GALNT17: variants seen among roughly 807,000 people sequenced by gnomAD.
GALNT17 encodes the protein UDP-GalNAc:polypeptide N-acetylgalactosaminyltransferase-like 3.
GALNT17 carries 29 observed loss-of-function variants against 63.7 expected under a neutral mutation model. The ratio of observed to expected loss-of-function variants is 0.46; its 90% CI spans 0.34 to 0.62. GALNT17 has a LOEUF of 0.62. GALNT17 is among the 20% of genes least tolerant of loss of function. The pLI is 0.01. For synonymous variants in GALNT17, 305 were observed against 318.3 expected, an observed-to-expected ratio of 0.96 and a Z score of 0.45; for missense variants, 603 against 799.6, an observed-to-expected ratio of 0.75 and a Z score of 2.97.
chr7:71,149,261 A>G (rs958250053), intron 1 of GALNT17, among the ~76,000 whole-genome samples: 2 of 152,120 alleles, frequency 1.3e-5, no homozygotes, highest in Admixed American at 1.3e-4. Flanking sequence ...CATATCAAGT[A>G]TTTTGTGTTA....
chr7:71,447,803 A>G (rs561948834), intron 5 of GALNT17, among the ~76,000 whole-genome samples: 1 of 152,178 alleles, frequency 6.6e-6, no homozygotes, highest in South Asian at 2.1e-4. Context: ...ATTCAGCTAC[A>G]TGCTTTCTAC....
At chr7:71,427,831 C>T (rs899626182) in intron 5 of GALNT17, among the ~76,000 whole-genome samples, 2 of 152,132 alleles carry the variant, frequency 1.3e-5, no homozygotes, top group Non-Finnish European at 2.9e-5. Flanking sequence ...TCAGCAGGGG[C>T]ATTCGATTCT....
At chr7:71,662,101 A>G (rs532859331) in intron 6 of GALNT17, among the ~76,000 whole-genome samples, 2 of 152,202 alleles carry the variant, frequency 1.3e-5, no homozygotes, top group East Asian at 3.9e-4. Flanking sequence ...TGGCTTGTGG[A>G]GGACATAGTG....
intron 5 of GALNT17, among the ~76,000 whole-genome samples, chr7:71,476,197 A>G (rs973555153): frequency 2.0e-5 from 3 of 152,156 alleles, no homozygotes; most frequent in Non-Finnish European, 4.4e-5. Flanking sequence ...GCTGCAGTGA[A>G]CCATGATTGT....
At chr7:71,411,854 G>T (rs1793435694) in intron 3 of GALNT17, among the ~76,000 whole-genome samples, 1 of 152,108 alleles carries the variant, frequency 6.6e-6, no homozygotes, top group Non-Finnish European at 1.5e-5. Context: ...TGGAGGACAG[G>T]GACTCTGAAC....
intron 1 of GALNT17, among the ~76,000 whole-genome samples, chr7:71,175,228 G>C (rs750739393): frequency 2.6e-5 from 4 of 151,142 alleles, no homozygotes; most frequent in African/African-American, 4.9e-5. Context: ...CTCCATCACT[G>C]TCTGTCCACA....
chr7:71,255,371 C>T lies in GALNT17; in HGVS notation c.239-80179C>T, dbSNP rs557696322. ...TGTCTGCCACCATGTGTGAGATGTA[C>T]CTTTCACCTTCCACCATGATTGTGA... On this transcript the variant is annotated intron_variant, in intron 1 of 10. Transcript: ENST00000333538. 2.0e-5 allele frequency among the ~76,000 whole-genome samples: 3 copies of T among 152,332 alleles called. No homozygotes were observed. In the East Asian group the frequency reaches 5.8e-4, roughly 29 times the overall value.
chr7:71,395,381 C>T (rs1258856763), intron 3 of GALNT17, among the ~76,000 whole-genome samples: 1 of 152,116 alleles, frequency 6.6e-6, no homozygotes, highest in East Asian at 1.9e-4. Context: ...ATAATGTTTT[C>T]AAGGTTCAAC....
At chr7:71,473,976 A>T (rs915965349) in intron 5 of GALNT17, among the ~76,000 whole-genome samples, 6 of 152,154 alleles carry the variant, frequency 3.9e-5, no homozygotes, top group Non-Finnish European at 7.4e-5. Context: ...GCAGAGTAGC[A>T]GTTTGGGCTG....
intron 1 of GALNT17, among the ~76,000 whole-genome samples, chr7:71,148,252 A>G (rs950974006): frequency 6.6e-6 from 1 of 152,224 alleles, no homozygotes; most frequent in African/African-American, 2.4e-5. Flanking sequence ...GTCATAGCTC[A>G]TGTCACTATA....
intron 1 of GALNT17, among the ~76,000 whole-genome samples, chr7:71,193,150 G>C (rs1373534724): frequency 6.6e-6 from 1 of 151,460 alleles, no homozygotes; most frequent in African/African-American, 2.4e-5. Context: ...CCAGGCTGGA[G>C]TGCAGTGGTG....
chr7:71,277,619 A>T (rs150492068), intron 1 of GALNT17, among the ~76,000 whole-genome samples: 1 of 152,364 alleles, frequency 6.6e-6, no homozygotes, highest in Non-Finnish European at 1.5e-5. Context: ...GTGTTCTGAG[A>T]CACTGCCACT....
chr7:71,180,133 A>C (rs1788710201), intron 1 of GALNT17, among the ~76,000 whole-genome samples: 1 of 150,916 alleles, frequency 6.6e-6, no homozygotes, highest in African/African-American at 2.5e-5. Flanking sequence ...TTTTTTTCTT[A>C]CTTTTTTTTT....
At chr7:71,682,883 A>C (rs1220584996) in intron 9 of GALNT17, among the ~76,000 whole-genome samples, 1 of 151,958 alleles carries the variant, frequency 6.6e-6, no homozygotes, top group Non-Finnish European at 1.5e-5. Context: ...GTTAAAATTT[A>C]ATGAGGGCTT....
chr7:71,146,874 C>G (rs962746222), intron 1 of GALNT17, among the ~76,000 whole-genome samples: 24 of 152,290 alleles, frequency 1.6e-4, no homozygotes, highest in Admixed American at 5.9e-4. Context: ...CACCAACACA[C>G]GAGCGTGCTG....
At chr7:71,526,033 C>A (rs924455200) in intron 5 of GALNT17, among the ~76,000 whole-genome samples, 3 of 152,230 alleles carry the variant, frequency 2.0e-5, no homozygotes. Context: ...AGCCACCACG[C>A]CCGGCCTCGA....
intron 1 of GALNT17, among the ~76,000 whole-genome samples, chr7:71,194,512 T>G (rs1789010472): frequency 6.6e-6 from 1 of 152,242 alleles, no homozygotes; most frequent in Non-Finnish European, 1.5e-5. Flanking sequence ...GGTAGGTTTT[T>G]GGGAAGATAA....
At chr7:71,329,913 A>G (rs201168333) in intron 1 of GALNT17, among the ~76,000 whole-genome samples, 1 of 116,222 alleles carries the variant, frequency 8.6e-6, no homozygotes. Flanking sequence ...GTATATATAT[A>G]TGTATGTGTG....
intron 5 of GALNT17, among the ~76,000 whole-genome samples, chr7:71,517,860 G>A (rs950950877): frequency 1.3e-5 from 2 of 152,184 alleles, no homozygotes; most frequent in Admixed American, 1.3e-4. Context: ...TGTGATGAAA[G>A]TTATGCAGAA....
Sources: gnomAD v4.1 joint callset for allele counts (sites outside exome capture counted in the v4.1 genomes callset) on GRCh38, gnomAD v4.1.1 for gene constraint, MANE v1.5 for transcripts, NCBI Gene and HGNC (gene_info 2026-07-23, HGNC 2026-07-21) for gene names.